The following ARHGEF11 variants were observed in gnomAD, a reference collection of about 807,000 sequenced individuals.
ARHGEF11 encodes the protein Rho guanine exchange factor (GEF) 11.
ARHGEF11 carries 55 observed loss-of-function variants against 193.7 expected under a neutral mutation model. The observed-to-expected ratio is 0.28, with a 90% confidence interval of 0.23 to 0.36. ARHGEF11 has a LOEUF of 0.36. Ranked by LOEUF, ARHGEF11 falls within the 10% of genes least tolerant of loss-of-function variation. ARHGEF11 has a pLI of 1.00. For missense variants in ARHGEF11, 1,723 were observed against 2,005.6 expected, an observed-to-expected ratio of 0.86 and a Z score of 2.69; for synonymous variants, 693 against 768.0, an observed-to-expected ratio of 0.90 and a Z score of 1.62.
intron 1 of ARHGEF11, among the ~76,000 whole-genome samples, chr1:156,995,258 C>G (rs1666320236): frequency 6.6e-6 from 1 of 152,188 alleles, no homozygotes. Context: ...TTCCCACTGT[C>G]CTTGCATGAA....
chr1:156,991,221 C>T (rs1423580907), intron 1 of ARHGEF11, among the ~76,000 whole-genome samples: 1 of 152,204 alleles, frequency 6.6e-6, no homozygotes, highest in Non-Finnish European at 1.5e-5. Context: ...CTATGAAGTT[C>T]AAGATTTTCT....
chr1:156,953,144 T>C (rs111464276), intron 21 of ARHGEF11, among the ~76,000 whole-genome samples: 7 of 152,340 alleles, frequency 4.6e-5, no homozygotes, highest in African/African-American at 1.4e-4. Flanking sequence ...AAATGCATTT[T>C]TAAAAAGAGC....
At chr1:156,959,943 C>CCCCA (rs1553204878) in intron 15 of ARHGEF11, among the ~76,000 whole-genome samples, 34 of 97,150 alleles carry the variant, frequency 3.5e-4, no homozygotes, top group African/African-American at 1.3e-3. Flanking sequence ...CCCCCCCCCC[C>CCCCA]AAAAAAAACA....
chr1:157,041,814 T>C (rs546807925), intron 1 of ARHGEF11, among the ~76,000 whole-genome samples: 1 of 152,296 alleles, frequency 6.6e-6, no homozygotes, highest in East Asian at 1.9e-4. Flanking sequence ...TATGTGGTCT[T>C]CAAGAGTCTT....
At chr1:157,031,967 AC>A (rs995536324) in intron 1 of ARHGEF11, among the ~76,000 whole-genome samples, 1 of 152,340 alleles carries the variant, frequency 6.6e-6, no homozygotes, top group African/African-American at 2.4e-5. Flanking sequence ...AGTTTGAGAA[AC>A]CATTTTAGGA....
At position 157,044,736 on chromosome 1, in the gene ARHGEF11, T is replaced by A. The variant is rs1374548514; in HGVS notation, c.-406A>T. ...TAACTGCAAAGTACAGATAAAACCA[T>A]CCTTTAAATCCAGCTTTCTCAGCTG... On this transcript the variant is annotated 5_prime_UTR_variant, in exon 1 of 41. It removes an upstream start codon present in the reference 5' UTR. Transcript: ENST00000368194. The A allele has an allele frequency of 2.5e-6, 1 of 394,522 alleles. No individual in the cohort carries two copies. Among genetic ancestry groups the A allele is most frequent in the African/African-American group, 2.1e-5 (1 of 48,416 alleles). The allele number at this position is 394,522 out of a possible 1,614,324, so 24.4% of individuals were successfully genotyped here.
intron 34 of ARHGEF11, 75 bp from the exon 35 acceptor site, chr1:156,941,508 G>A: frequency 6.6e-7 from 1 of 1,509,248 alleles, no homozygotes; most frequent in South Asian, 1.1e-5. Flanking sequence ...ATGGGCAATG[G>A]AGTAGGATCC....
At chr1:157,007,070 T>G (rs1261437306) in intron 1 of ARHGEF11, among the ~76,000 whole-genome samples, 8 of 152,128 alleles carry the variant, frequency 5.3e-5, no homozygotes, top group Non-Finnish European at 7.3e-5. Context: ...TGAAGAGAAC[T>G]CCTCACCTGT....
intron 1 of ARHGEF11, among the ~76,000 whole-genome samples, chr1:157,037,116 A>T (rs822569): frequency 6.6e-6 from 1 of 152,072 alleles, no homozygotes; most frequent in Non-Finnish European, 1.5e-5. Flanking sequence ...TAACAAGAGC[A>T]AAACTCTGTC....
intron 1 of ARHGEF11, among the ~76,000 whole-genome samples, chr1:157,003,959 C>G (rs1341885367): frequency 1.3e-5 from 2 of 152,196 alleles, no homozygotes; most frequent in African/African-American, 4.8e-5. Context: ...ATTTTTATCA[C>G]CACCATGGGA....
At chr1:157,009,442 G>T (rs1012015864) in intron 1 of ARHGEF11, among the ~76,000 whole-genome samples, 21 of 152,164 alleles carry the variant, frequency 1.4e-4, no homozygotes, top group African/African-American at 4.3e-4. Context: ...ACAGACTTAA[G>T]TTTGTGCAAT....
chr1:156,995,588 C>T (rs1666362175), intron 1 of ARHGEF11, among the ~76,000 whole-genome samples: 2 of 150,424 alleles, frequency 1.3e-5, no homozygotes, highest in South Asian at 4.2e-4. Flanking sequence ...CAGGGTCTCA[C>T]TCTGTTGCCC....
Position 156,968,033 on chromosome 1 carries a change from T to C in ARHGEF11, c.917A>G (p.His306Arg). 6.2e-7 allele frequency: 1 copy of C among 1,614,240 alleles called. No individual in the cohort carries two copies. The highest frequency in any genetic ancestry group is 2.2e-5 in the East Asian group (1 of 44,888). Residue 306 changes from histidine to arginine, a missense_variant, in exon 11 of 41, where the codon CAC becomes CGC. By Grantham distance (29) the His-to-Arg change is conservative. Transcript: ENST00000368194. ...PVIMARVAQHHRRQGSDAAVP... is the reference protein window; with the variant it reads ...PVIMARVAQHRRRQGSDAAVP... The stretch of plus-strand genomic sequence containing the variant: ...TGCTGCATCCGAGCCCTGCCGCCTG[T>C]GGTGCTGGGCCACCCTGGCCATGAT...
chr1:156,972,508 A>G (rs1662640256), intron 7 of ARHGEF11, among the ~76,000 whole-genome samples: 2 of 152,248 alleles, frequency 1.3e-5, no homozygotes, highest in Non-Finnish European at 2.9e-5. Context: ...TCTAGCGCAA[A>G]GTCAGATACC....
chr1:156,957,115 T>C (rs779163945), intron 18 of ARHGEF11, among the ~76,000 whole-genome samples: 1 of 152,074 alleles, frequency 6.6e-6, no homozygotes, highest in South Asian at 2.1e-4. Context: ...CAAATGAAAA[T>C]GTCCAGAGCT....
At position 156,946,772 on chromosome 1, in the gene ARHGEF11, G is replaced by C. The variant is rs369608695; in HGVS notation, c.2584C>G (p.Arg862Gly). The change falls in exon 28 of 41, where the codon CGA (arginine) becomes GGA (glycine). Residue 862 changes from arginine (R) to glycine (G), a missense_variant. Around this residue, in one of 5 missense-constraint regions of ARHGEF11, gnomAD observed 491 missense variants for 654.5 expected, o/e 0.75. Transcript: ENST00000368194. Reference sequence around the variant, plus strand: ...GCAGCCACTTGCTGGAGTTCCTCTCGGGCAGGGCCATCAAACTGAAGAGGC... The same window carrying C: ...GCAGCCACTTGCTGGAGTTCCTCTCCGGCAGGGCCATCAAACTGAAGAGGC... ...LMLARFDGPA[R>G]EELQQVAAQF... 1.6e-5 allele frequency: 26 copies of C among 1,614,046 alleles called. No homozygotes were observed. Among genetic ancestry groups the C allele is most frequent in the Non-Finnish European group, 2.1e-5 (25 of 1,180,038 alleles).
chr1:157,014,442 C>G (rs1353455608), intron 1 of ARHGEF11, among the ~76,000 whole-genome samples: 1 of 151,988 alleles, frequency 6.6e-6, no homozygotes, highest in Non-Finnish European at 1.5e-5. Flanking sequence ...GGGTCTTGCT[C>G]TGTTGTCCAG....
chr1:156,941,768 G>A (rs903538704), intron 34 of ARHGEF11, 96 bp downstream of exon 34: 8 of 1,491,264 alleles, frequency 5.4e-6, no homozygotes, highest in Admixed American at 2.1e-5. Flanking sequence ...TCCCTGTTGT[G>A]GCTGTCTACC....
At chr1:156,979,088 C>A (rs1007604) in intron 5 of ARHGEF11, 141 bp downstream of exon 5, 152,749 of 733,568 alleles carry the variant, frequency 0.21, 17,220 homozygotes, top group East Asian at 0.39. Context: ...CTCCATGTTA[C>A]GATTAAAGAT....
Sources: gnomAD v4.1 joint callset for allele counts (sites outside exome capture counted in the v4.1 genomes callset) on GRCh38, gnomAD v4.1.1 for gene constraint, gnomAD v4.1.1 regional missense constraint, MANE v1.5 for transcripts, NCBI Gene and HGNC (gene_info 2026-07-23, HGNC 2026-07-21) for gene names.